SFMBT1: variants seen among roughly 807,000 people sequenced by gnomAD.
SFMBT1 encodes Scm like with four mbt domains 1.
In SFMBT1, 32 loss-of-function variants were observed where a neutral mutation model predicts 108.7. That is an observed-to-expected ratio of 0.29 (90% CI 0.22 to 0.40). The LOEUF (loss-of-function observed/expected upper bound fraction) is 0.40. Among genes scored for constraint, SFMBT1 ranks in the 10% least tolerant of loss-of-function variants. The pLI, the probability that SFMBT1 is intolerant of heterozygous loss-of-function variation, is 1.00. For missense variants in SFMBT1, 816 were observed against 1,059.6 expected (o/e 0.77, Z 3.19); for synonymous variants, 348 against 369.5 (o/e 0.94, Z 0.67).
At chr3:53,007,594 C>T (rs1408586421) in intron 1 of SFMBT1, among the ~76,000 whole-genome samples, 2 of 152,006 alleles carry the variant, frequency 1.3e-5, no homozygotes, top group African/African-American at 4.8e-5. Flanking sequence ...CTCCCACTGG[C>T]CAAGTCTGAG....
chr3:53,037,586 A>T (rs1479752567), intron 1 of SFMBT1, among the ~76,000 whole-genome samples: 1 of 152,254 alleles, frequency 6.6e-6, no homozygotes, highest in African/African-American at 2.4e-5. Context: ...TAATACCATC[A>T]TAAACACCTA....
chr3:52,924,364 C>A (rs932670412), intron 10 of SFMBT1, among the ~76,000 whole-genome samples: 1 of 151,930 alleles, frequency 6.6e-6, no homozygotes, highest in African/African-American at 2.4e-5. Flanking sequence ...ATGGCAAGGC[C>A]GGCACAGTGG....
Position 53,026,256 on chromosome 3 carries a change from C to T in SFMBT1, c.-131+19560G>A, listed in dbSNP as rs146948586. ...AAAAAGGCACTTCATCTCTTCAAAACCTGCTATCCCACCAAAATTCTCCAG... is the reference window on the plus strand; with the variant it reads ...AAAAAGGCACTTCATCTCTTCAAAATCTGCTATCCCACCAAAATTCTCCAG... On this transcript the variant is annotated intron_variant, in intron 1 of 20. Coordinates refer to ENST00000394752, the MANE Select transcript of SFMBT1 (RefSeq NM_016329.4). Among the ~76,000 whole-genome samples the T allele has an allele frequency of 2.2e-3, 341 of 152,250 alleles. 4 individuals are homozygous for T. The highest frequency in any genetic ancestry group is 7.6e-3 in the African/African-American group (316 of 41,534).
intron 1 of SFMBT1, among the ~76,000 whole-genome samples, chr3:53,016,828 T>C (rs890904648): frequency 6.6e-6 from 1 of 152,230 alleles, no homozygotes; most frequent in African/African-American, 2.4e-5. Flanking sequence ...TAGTGCTTTT[T>C]GCCTCTTATT....
chr3:53,001,809 C>T (rs903149066), intron 1 of SFMBT1, among the ~76,000 whole-genome samples: 1 of 147,940 alleles, frequency 6.8e-6, no homozygotes, highest in African/African-American at 2.4e-5. Context: ...GACTGTGGTC[C>T]CAACTACCTG....
Position 52,911,174 on chromosome 3 carries a change from T to C in SFMBT1, c.1735A>G (p.Lys579Glu). The change falls in exon 17 of 21, where the codon AAA (lysine) becomes GAA (glutamate). Residue 579 changes from lysine (K) to glutamate (E), a missense_variant. Lys to Glu is a moderately conservative substitution (Grantham distance 56). Coordinates refer to ENST00000394752, the MANE Select transcript of SFMBT1 (RefSeq NM_016329.4). The part of the protein sequence containing the change: ...GCGEVLKAKY[K>E]GKSYRATVEI... Reference sequence around the variant, plus strand: ...ACAGTAGCCCGATAACTCTTTCCTTTATATCTGCCATTGGAAGACATCAGA... The same window carrying C: ...ACAGTAGCCCGATAACTCTTTCCTTCATATCTGCCATTGGAAGACATCAGA... 6.2e-7 allele frequency: 1 copy of C among 1,601,746 alleles called. No individual in the cohort carries two copies. Among genetic ancestry groups the C allele is most frequent in the Non-Finnish European group, 8.5e-7 (1 of 1,174,492 alleles).
chr3:52,945,623 C>T (rs1395870199), intron 3 of SFMBT1, among the ~76,000 whole-genome samples: 1 of 147,580 alleles, frequency 6.8e-6, no homozygotes, highest in African/African-American at 2.5e-5. Context: ...CTGGCTAACA[C>T]AGTGAAACCG....
intron 1 of SFMBT1, among the ~76,000 whole-genome samples, chr3:53,033,311 T>C (rs948082505): frequency 1.3e-5 from 2 of 151,786 alleles, no homozygotes; most frequent in Non-Finnish European, 2.9e-5. Flanking sequence ...CAGGCACACA[T>C]CACCACGCCC....
chr3:52,916,063 T>C, intron 14 of SFMBT1, 87 bp downstream of exon 14: 1 of 1,124,192 alleles, frequency 8.9e-7, no homozygotes, highest in Non-Finnish European at 1.3e-6. Context: ...ATACTATACA[T>C]CAAATGTACT....
At chr3:53,020,749 G>C (rs1218757312) in intron 1 of SFMBT1, among the ~76,000 whole-genome samples, 1 of 152,100 alleles carries the variant, frequency 6.6e-6, no homozygotes, top group African/African-American at 2.4e-5. Flanking sequence ...TGTAATACAG[G>C]TTTTTCCATA....
At chr3:53,042,246 C>G (rs992459684) in intron 1 of SFMBT1, among the ~76,000 whole-genome samples, 1 of 152,208 alleles carries the variant, frequency 6.6e-6, no homozygotes, top group African/African-American at 2.4e-5. Context: ...TGCTGCTACA[C>G]CACCATTCCA....
intron 1 of SFMBT1, among the ~76,000 whole-genome samples, chr3:52,984,521 G>A (rs1015838295): frequency 6.6e-6 from 1 of 151,792 alleles, no homozygotes; most frequent in Non-Finnish European, 1.5e-5. Context: ...AATTTATGCT[G>A]CCTTGTTTTT....
intron 1 of SFMBT1, among the ~76,000 whole-genome samples, chr3:53,043,429 G>C (rs1379946324): frequency 6.6e-6 from 1 of 152,112 alleles, no homozygotes; most frequent in South Asian, 2.1e-4. Flanking sequence ...TCATTGAAAA[G>C]GTTGTTAAAG....
intron 1 of SFMBT1, among the ~76,000 whole-genome samples, chr3:52,980,118 TATTAA>T (rs1017502780): frequency 1.3e-5 from 2 of 152,078 alleles, no homozygotes; most frequent in African/African-American, 4.8e-5. Context: ...ACAAATCTAT[TATTAA>T]AAGTTAAAAA....
chr3:52,931,526 A>C (rs1021079302), intron 6 of SFMBT1, among the ~76,000 whole-genome samples: 2 of 152,058 alleles, frequency 1.3e-5, no homozygotes, highest in African/African-American at 4.8e-5. Context: ...TAAATTATAA[A>C]AGCAATAAAA....
At position 52,954,352 on chromosome 3, in the gene SFMBT1, C is replaced by T. The variant is rs1182998030; in HGVS notation, c.88G>A (p.Gly30Arg). 6.2e-7 allele frequency: 1 copy of T among 1,613,866 alleles called. No individual in the cohort carries two copies. Residue 30 changes from glycine to arginine, a missense_variant, in exon 3 of 21, where the codon GGG becomes AGG. By Grantham distance (125) the Gly-to-Arg change is moderately radical (BLOSUM62 -2). Coordinates refer to ENST00000394752, the MANE Select transcript of SFMBT1 (RefSeq NM_016329.4). Reference sequence around the variant, plus strand: ...GACCCATAGGGAACTGCTGTGGACCCTGTTTCTTCTAGATAATCTTCCCAG... The same window carrying T: ...GACCCATAGGGAACTGCTGTGGACCTTGTTTCTTCTAGATAATCTTCCCAG... The part of the protein sequence containing the change: ...LSWEDYLEET[G>R]STAVPYGSFK...
At chr3:53,044,116 A>G (rs2106984209) in intron 1 of SFMBT1, among the ~76,000 whole-genome samples, 1 of 152,348 alleles carries the variant, frequency 6.6e-6, no homozygotes, top group Middle Eastern at 3.4e-3. Flanking sequence ...ATTGTTAAAA[A>G]TCTATTCAAA....
rs181618108 is a variant in SFMBT1, at chr3:52,955,289, T to C, written c.29-878A>G. On this transcript the variant is annotated intron_variant, in intron 2 of 20. Transcript: ENST00000394752. ...TTAGCCAGGCATGGTGGCACATGCCTGTAATCCCAGCTACTCAGGAGACTG... is the reference window on the plus strand; with the variant it reads ...TTAGCCAGGCATGGTGGCACATGCCCGTAATCCCAGCTACTCAGGAGACTG... 5.2e-3 allele frequency among the ~76,000 whole-genome samples: 786 copies of C among 152,154 alleles called. 25 individuals carry two copies. The highest frequency in any genetic ancestry group is 0.044 in the Admixed American group (670 of 15,272).
intron 1 of SFMBT1, among the ~76,000 whole-genome samples, chr3:52,977,973 T>C (rs2106873547): frequency 6.6e-6 from 1 of 151,952 alleles, no homozygotes; most frequent in East Asian, 1.9e-4. Context: ...TTTCAATAAA[T>C]ATTTACTGGA....
Sources: gnomAD v4.1 joint callset for allele counts (sites outside exome capture counted in the v4.1 genomes callset) on GRCh38, gnomAD v4.1.1 for gene constraint, MANE v1.5 for transcripts, NCBI Gene and HGNC (gene_info 2026-07-23, HGNC 2026-07-21) for gene names.